SLCO5A1: variants seen among roughly 807,000 people sequenced by gnomAD.
The protein encoded by SLCO5A1 is organic anion transporter polypeptide-related protein 4.
Under a neutral mutation model 65.1 loss-of-function variants are expected in SLCO5A1, and 39 were observed. The ratio of observed to expected loss-of-function variants is 0.60; its 90% CI spans 0.46 to 0.78. The LOEUF (loss-of-function observed/expected upper bound fraction) is 0.78. Ranked by LOEUF, SLCO5A1 falls within the 30% of genes least tolerant of loss-of-function variation. The pLI, the probability that SLCO5A1 is intolerant of heterozygous loss-of-function variation, is 0.00. For missense variants in SLCO5A1, 1,029 were observed against 1,069.4 expected, an observed-to-expected ratio of 0.96 and a Z score of 0.53; for synonymous variants, 438 against 415.7, an observed-to-expected ratio of 1.05 and a Z score of -0.65.
rs142637717 is a variant in SLCO5A1, at chr8:69,676,693, G to A, written c.2025-20C>T. On this transcript the variant is annotated intron_variant, in intron 8 of 9. Transcript: ENST00000260126. ...ACGGACCTACAGTGAAGGGAAAGAAGGAAATGCATTTTAAATAGTAGCCCC... is the reference window on the plus strand; with the variant it reads ...ACGGACCTACAGTGAAGGGAAAGAAAGAAATGCATTTTAAATAGTAGCCCC... 1.5e-3 allele frequency: 2,396 copies of A among 1,603,114 alleles called. 7 individuals are homozygous for A. Among genetic ancestry groups the A allele is most frequent in the Middle Eastern group, 0.012 (71 of 6,040 alleles).
intron 2 of SLCO5A1, among the ~76,000 whole-genome samples, chr8:69,797,643 T>C (rs1298683630): frequency 2.6e-5 from 4 of 152,178 alleles, no homozygotes; most frequent in African/African-American, 7.2e-5. Context: ...TGGCCGTCTT[T>C]TATGGTCGAA....
chr8:69,689,515 A>G (rs1373455063), intron 6 of SLCO5A1, among the ~76,000 whole-genome samples: 2 of 140,590 alleles, frequency 1.4e-5, no homozygotes, highest in African/African-American at 5.7e-5. Flanking sequence ...TAATTTTTGT[A>G]TAAGGTGTAA....
intron 2 of SLCO5A1, among the ~76,000 whole-genome samples, chr8:69,810,029 T>C (rs1049895229): frequency 2.0e-5 from 3 of 152,158 alleles, no homozygotes; most frequent in Non-Finnish European, 4.4e-5. Flanking sequence ...TAACCCCCAC[T>C]GAGAATTATA....
In SLCO5A1 at chr8:69,815,171, G is replaced by A. The variant is rs116046443; in HGVS notation, c.907+16596C>T. Reference sequence around the variant, plus strand: ...TTTCAAAGGTTTTCACCATAAAAAGGTTAAGTATTTGAAATGATAGATATG... The same window carrying A: ...TTTCAAAGGTTTTCACCATAAAAAGATTAAGTATTTGAAATGATAGATATG... On this transcript the variant is annotated intron_variant, in intron 2 of 9. Coordinates refer to ENST00000260126, the MANE Select transcript of SLCO5A1 (RefSeq NM_030958.3). Among the ~76,000 whole-genome samples, 906 of 152,234 alleles carry A rather than the reference G, an allele frequency of 6.0e-3. 9 individuals are homozygous for A. The highest frequency in any genetic ancestry group is 0.02 in the African/African-American group (847 of 41,550).
chr8:69,742,643 G>A (rs1816834691), intron 4 of SLCO5A1, among the ~76,000 whole-genome samples: 2 of 152,062 alleles, frequency 1.3e-5, no homozygotes, highest in Admixed American at 1.3e-4. Flanking sequence ...TGACAGTATA[G>A]GCGGCCCCAT....
At chr8:69,812,294 T>A (rs764980051) in intron 2 of SLCO5A1, among the ~76,000 whole-genome samples, 2 of 152,122 alleles carry the variant, frequency 1.3e-5, no homozygotes, top group East Asian at 3.8e-4. Flanking sequence ...TTCAAAAAAA[T>A]CACAGCTTAG....
intron 2 of SLCO5A1, among the ~76,000 whole-genome samples, chr8:69,771,099 C>T (rs1190424159): frequency 6.6e-6 from 1 of 152,168 alleles, no homozygotes; most frequent in Non-Finnish European, 1.5e-5. Context: ...ATTCTCCTGC[C>T]TCAGCCTCCT....
intron 2 of SLCO5A1, among the ~76,000 whole-genome samples, chr8:69,790,807 G>T (rs1031088994): frequency 3.9e-5 from 6 of 152,188 alleles, no homozygotes; most frequent in Non-Finnish European, 7.4e-5. Flanking sequence ...AGTCACATGG[G>T]ATTGGTAAAG....
At position 69,677,936 on chromosome 8, in the gene SLCO5A1, T is replaced by G. The variant is rs558767006; in HGVS notation, c.2025-1263A>C. On this transcript the variant is annotated intron_variant, in intron 8 of 9. Coordinates refer to ENST00000260126, the MANE Select transcript of SLCO5A1 (RefSeq NM_030958.3). ...TCCCCCCTAATCCCCTTCCCTGCAC[T>G]GCACCCCCTAATCTGGGCAGAAGCT... Among the ~76,000 whole-genome samples the G allele has an allele frequency of 1.3e-4, 20 of 152,208 alleles. No individual in the cohort carries two copies. In the East Asian group the frequency reaches 3.3e-3, roughly 25 times the overall value.
chr8:69,833,005 C>T lies in SLCO5A1; in HGVS notation c.-332G>A. The stretch of plus-strand genomic sequence containing the variant: ...CCGGGCTCATCCCCTCCGCCGCCGC[C>T]GCCGCCGCCGCCGCTGGGCCCGCGG... On this transcript the variant is annotated 5_prime_UTR_variant, in exon 2 of 10. Transcript: ENST00000260126. 3.1e-6 allele frequency: 1 copy of T among 318,234 alleles called. No individual in the cohort carries two copies. Among genetic ancestry groups the T allele is most frequent in the South Asian group, 5.3e-5 (1 of 18,696 alleles). 19.7% of individuals were successfully genotyped at this position (318,234 alleles called of 1,614,324 possible).
intron 5 of SLCO5A1, among the ~76,000 whole-genome samples, chr8:69,722,123 G>A (rs1815853575): frequency 6.6e-6 from 1 of 151,852 alleles, no homozygotes. Flanking sequence ...AGTGAGCTGA[G>A]ATCTACCACT....
In SLCO5A1 at chr8:69,806,226, C is replaced by G. The variant is rs182208776; in HGVS notation, c.907+25541G>C. 1.9e-3 allele frequency among the ~76,000 whole-genome samples: 291 copies of G among 152,318 alleles called. 1 individual carries two copies. Among genetic ancestry groups the G allele is most frequent in the Admixed American group, 8.9e-3 (136 of 15,306 alleles). ...TTACACATTACAGTTCTCAAGCATC[C>G]TTTAAGCCTTGGCTTACACATCAAT... On this transcript the variant is annotated intron_variant, in intron 2 of 9. Transcript: ENST00000260126.
chr8:69,673,340 GA>G lies in SLCO5A1; in HGVS notation c.2090-15del. The G allele has an allele frequency of 1.3e-6, 2 of 1,597,890 alleles. No homozygotes were observed. Among genetic ancestry groups the G allele is most frequent in the Non-Finnish European group, 1.7e-6 (2 of 1,167,964 alleles). On this transcript the variant is annotated splice_polypyrimidine_tract_variant and intron_variant, in intron 9 of 9. Coordinates refer to ENST00000260126, the MANE Select transcript of SLCO5A1 (RefSeq NM_030958.3). The stretch of plus-strand genomic sequence containing the variant: ...TAGGAATGTATGCTAGAGGGGTGGA[GA>G]AGAAGAAAATACGAAGACTTAGCAC...
intron 8 of SLCO5A1, 38 bp from the exon 9 acceptor site, chr8:69,676,711 G>C (rs1276519777): frequency 1.3e-6 from 2 of 1,570,342 alleles, no homozygotes; most frequent in Non-Finnish European, 1.7e-6. Context: ...ATTTTAAATA[G>C]TAGCCCCAAG....
chr8:69,737,102 C>T (rs559950412), intron 5 of SLCO5A1, among the ~76,000 whole-genome samples: 1 of 152,174 alleles, frequency 6.6e-6, no homozygotes, highest in African/African-American at 2.4e-5. Context: ...GGGCCCACAA[C>T]CCAATGTTGT....
intron 6 of SLCO5A1, among the ~76,000 whole-genome samples, chr8:69,696,348 G>C (rs1814498844): frequency 6.6e-6 from 1 of 152,228 alleles, no homozygotes; most frequent in African/African-American, 2.4e-5. Flanking sequence ...CCGCCTTGGA[G>C]AAAGAGGAGC....
chr8:69,748,624 T>C (rs10096246), intron 4 of SLCO5A1, among the ~76,000 whole-genome samples: 15,184 of 152,264 alleles, frequency 0.1, 1,213 homozygotes, highest in African/African-American at 0.22. Context: ...CTGACTTTCC[T>C]GGCCATCAAA....
At chr8:69,762,175 T>TC (rs1817818285) in intron 2 of SLCO5A1, among the ~76,000 whole-genome samples, 3 of 98,952 alleles carry the variant, frequency 3.0e-5, no homozygotes, top group African/African-American at 1.0e-4. Context: ...TCTTTCTTTC[T>TC]TTCTTTCTTT....
intron 2 of SLCO5A1, among the ~76,000 whole-genome samples, chr8:69,826,878 C>T (rs959657308): frequency 7.2e-5 from 11 of 152,038 alleles, no homozygotes; most frequent in African/African-American, 1.2e-4. Context: ...TTCACAATAG[C>T]AAAGACTTGG....
Sources: allele counts gnomAD v4.1 joint callset (sites outside exome capture counted in the v4.1 genomes callset), GRCh38; gene constraint gnomAD v4.1.1; transcripts MANE v1.5; gene names NCBI Gene and HGNC (gene_info 2026-07-23, HGNC 2026-07-21).